TARBP1: variants seen among roughly 807,000 people sequenced by gnomAD.
TARBP1 encodes the protein tRNA (guanosine(18)-2'-O)-methyltransferase TARBP1.
Under a neutral mutation model 178.6 loss-of-function variants are expected in TARBP1, and 144 were observed. The ratio of observed to expected loss-of-function variants is 0.81; its 90% confidence interval spans 0.70 to 0.93. The LOEUF (loss-of-function observed/expected upper bound fraction) is 0.93. Among genes scored for constraint, TARBP1 ranks in the 40% least tolerant of loss-of-function variants. TARBP1 has a pLI of 0.00. For missense variants in TARBP1, 2,067 were observed against 2,011.7 expected (o/e 1.03, Z -0.53); for synonymous variants, 787 against 781.0 (o/e 1.01, Z -0.13).
At chr1:234,400,684 A>G (rs1660592765) in intron 25 of TARBP1, among the ~76,000 whole-genome samples, 1 of 152,274 alleles carries the variant, frequency 6.6e-6, no homozygotes, top group Non-Finnish European at 1.5e-5. Context: ...CATAATAAGC[A>G]TGTTTATGGT....
intron 12 of TARBP1, among the ~76,000 whole-genome samples, chr1:234,446,071 T>C (rs1572345152): frequency 6.6e-6 from 1 of 152,306 alleles, no homozygotes; most frequent in East Asian, 1.9e-4. Context: ...TTCATAAGCA[T>C]ATATGAAAAT....
chr1:234,472,953 A>G (rs1669213503), intron 1 of TARBP1, 142 bp from the exon 2 acceptor site: 5 of 688,120 alleles, frequency 7.3e-6, no homozygotes, highest in Non-Finnish European at 1.3e-5. Context: ...GAGCCTGGAT[A>G]GGGGGCTTGG....
chr1:234,467,242 T>TA (rs1229691830), intron 4 of TARBP1, among the ~76,000 whole-genome samples: 2 of 152,238 alleles, frequency 1.3e-5, no homozygotes, highest in Non-Finnish European at 2.9e-5. Context: ...GACTTATGCT[T>TA]ACGATTCTTG....
intron 13 of TARBP1, 39 bp from the exon 14 acceptor site, chr1:234,433,610 G>T (rs1322111751): frequency 1.3e-6 from 2 of 1,561,418 alleles, no homozygotes; most frequent in African/African-American, 2.8e-5. Context: ...TACAAGCAAG[G>T]TCCATGATTT....
chr1:234,460,456 T>A (rs270511), intron 6 of TARBP1, 60 bp from the exon 7 acceptor site: 500,199 of 1,567,182 alleles, frequency 0.32, 82,137 homozygotes, highest in African/African-American at 0.51. Flanking sequence ...AGAAGCTCAA[T>A]ACCATTAGGT....
At chr1:234,463,460 T>A (rs904144521) in intron 6 of TARBP1, among the ~76,000 whole-genome samples, 1 of 152,186 alleles carries the variant, frequency 6.6e-6, no homozygotes, top group Non-Finnish European at 1.5e-5. Flanking sequence ...TTAATATCTA[T>A]AAAGGGACAA....
intron 14 of TARBP1, among the ~76,000 whole-genome samples, chr1:234,431,410 A>G (rs1034840674): frequency 1.3e-5 from 2 of 152,226 alleles, no homozygotes; most frequent in Admixed American, 6.5e-5. Flanking sequence ...AGAACTCACA[A>G]TGTTCTTTCA....
At chr1:234,428,435 G>C (rs1157028420) in intron 17 of TARBP1, among the ~76,000 whole-genome samples, 29 of 152,158 alleles carry the variant, frequency 1.9e-4, no homozygotes, top group Admixed American at 1.9e-3. Flanking sequence ...ATTGTGGAAA[G>C]AGCATGCCAA....
At chr1:234,472,065 G>A (rs568497357) in intron 2 of TARBP1, among the ~76,000 whole-genome samples, 19 of 152,018 alleles carry the variant, frequency 1.2e-4, no homozygotes, top group African/African-American at 3.1e-4. Flanking sequence ...GGACGGGTGC[G>A]GTGGCTCACG....
intron 19 of TARBP1, 76 bp from the exon 20 acceptor site, chr1:234,425,869 A>G: frequency 1.7e-6 from 2 of 1,194,786 alleles, no homozygotes; most frequent in Non-Finnish European, 1.2e-6. Context: ...AGTTTCAAAT[A>G]TCATTACACG....
At chr1:234,446,770 A>G (rs777010282) in intron 12 of TARBP1, 33 bp downstream of exon 12, 1 of 1,605,322 alleles carries the variant, frequency 6.2e-7, no homozygotes, top group South Asian at 1.1e-5. Context: ...TGCTATATCA[A>G]GCAAGATACC....
In TARBP1 at chr1:234,479,143, A is replaced by C. The variant is rs775001811; in HGVS notation, c.-40T>G. Reference sequence around the variant, plus strand: ...CGCCACCGGCCCGGGCTCCCAAAGGAAGGCGCCGGCGTGTGCGATGCGTGC... The same window carrying C: ...CGCCACCGGCCCGGGCTCCCAAAGGCAGGCGCCGGCGTGTGCGATGCGTGC... On this transcript the variant is annotated 5_prime_UTR_variant, in exon 1 of 30. Transcript: ENST00000040877. 3.4e-6 allele frequency: 5 copies of C among 1,488,048 alleles called. No individual in the cohort carries two copies. Among genetic ancestry groups the C allele is most frequent in the Non-Finnish European group, 4.4e-6 (5 of 1,132,728 alleles). The allele number at this position is 1,488,048 out of a possible 1,614,324, so 92.2% of individuals were successfully genotyped here.
chr1:234,475,353 T>C (rs908144621), intron 1 of TARBP1, among the ~76,000 whole-genome samples: 1 of 152,168 alleles, frequency 6.6e-6, no homozygotes, highest in African/African-American at 2.4e-5. Context: ...CAAGCAAAAG[T>C]TGCCTGCCTC....
At chr1:234,448,648 C>T (rs571299491) in intron 10 of TARBP1, 69 bp from the exon 11 acceptor site, 328 of 1,215,534 alleles carry the variant, frequency 2.7e-4, no homozygotes, top group Non-Finnish European at 3.2e-4. Flanking sequence ...TTCAAAAAAA[C>T]CCACTAAATG....
At chr1:234,410,310 C>T in intron 23 of TARBP1, 135 bp downstream of exon 23, 1 of 555,654 alleles carries the variant, frequency 1.8e-6, no homozygotes, top group South Asian at 2.2e-5. Context: ...AATACATGTG[C>T]ACATTAGCAG....
intron 25 of TARBP1, chr1:234,400,965 G>A: frequency 2.6e-6 from 1 of 388,248 alleles, no homozygotes; most frequent in Non-Finnish European, 4.7e-6. Flanking sequence ...AATAGAAAGT[G>A]AAAATGACTA....
Position 234,478,559 on chromosome 1 carries a change from C to A in TARBP1, c.545G>T (p.Gly182Val). 1.5e-6 allele frequency: 2 copies of A among 1,307,446 alleles called. No individual in the cohort carries two copies. Among genetic ancestry groups the A allele is most frequent in the South Asian group, 2.0e-5 (1 of 50,420 alleles). The allele number at this position is 1,307,446 out of a possible 1,614,324, so 81.0% of individuals were successfully genotyped here. A position where few individuals can be genotyped will look rare whatever the true frequency, so the allele number is the denominator to read the frequency against. Residue 182 changes from glycine to valine, a missense_variant, in exon 1 of 30, where the codon GGG (glycine) becomes GTG (valine). Gly to Val is a moderately radical substitution (Grantham distance 109). Transcript: ENST00000040877. Reference sequence around the variant, plus strand: ...CAGCGCCGCCGCGTCCTCGGCAGGCCCGGCCTCATCCCCGTCCCCGCCCCC... The same window carrying A: ...CAGCGCCGCCGCGTCCTCGGCAGGCACGGCCTCATCCCCGTCCCCGCCCCC... ...LGGGGDGDEA[G>V]PAEDAAALVA...
intron 2 of TARBP1, among the ~76,000 whole-genome samples, chr1:234,471,749 A>G (rs6702227): frequency 0.13 from 20,197 of 152,232 alleles, 1,783 homozygotes; most frequent in African/African-American, 0.26. Context: ...GGGTTTCTAA[A>G]TAAATAATGG....
chr1:234,478,712 C>G lies in TARBP1; in HGVS notation c.392G>C (p.Gly131Ala), dbSNP rs989633628. Residue 131 changes from glycine (G) to alanine (A), a missense_variant, in exon 1 of 30, where the codon GGG becomes GCG. Coordinates refer to ENST00000040877, the MANE Select transcript of TARBP1 (RefSeq NM_005646.4). ...AEEALRDLLA[G>A]WRAPGAEAAV... The stretch of plus-strand genomic sequence containing the variant: ...AGCCTCGGCGCCAGGCGCGCGCCAC[C>G]CGGCGAGCAGATCGCGCAGCGCCTC... 23 of 1,206,870 alleles carry G rather than the reference C, an allele frequency of 1.9e-5. No individual in the cohort carries two copies. The highest frequency in any genetic ancestry group is 9.1e-5 in the Admixed American group (2 of 21,942). 74.8% of individuals were successfully genotyped at this position (1,206,870 alleles called of 1,614,324 possible).
Sources: allele counts gnomAD v4.1 joint callset (sites outside exome capture counted in the v4.1 genomes callset), GRCh38; gene constraint gnomAD v4.1.1; transcripts MANE v1.5; gene names NCBI Gene and HGNC (gene_info 2026-07-23, HGNC 2026-07-21).